Variants in RCAN1 observed in about 807,000 individuals in gnomAD.
RCAN1 encodes the protein calcipressin-1.
A neutral mutation model predicts 22.9 loss-of-function variants in RCAN1; 11 were observed. The observed-to-expected ratio is 0.48, with a 90% CI of 0.30 to 0.79. RCAN1 has a LOEUF of 0.79. Among genes scored for constraint, RCAN1 ranks in the 30% least tolerant of loss-of-function variants. RCAN1 has a pLI of 0.06. For missense variants in RCAN1, 291 were observed against 337.8 expected, an observed-to-expected ratio of 0.86 and a Z score of 1.09; for synonymous variants, 136 against 142.3, an observed-to-expected ratio of 0.96 and a Z score of 0.32.
chr21:34,547,328 C>T lies in RCAN1; in HGVS notation c.253-23618G>A, dbSNP rs556153629. Among the ~76,000 whole-genome samples the T allele has an allele frequency of 3.3e-4, 50 of 152,280 alleles. 2 individuals are homozygous for T. In the South Asian group the frequency reaches 9.5e-3, roughly 29 times the overall value. On this transcript the variant is annotated intron_variant, in intron 1 of 3. Coordinates refer to ENST00000313806, the MANE Select transcript of RCAN1 (RefSeq NM_004414.7). ...CACATCACAGCTTCCCCTCACCTTTCTCCCCCTCCCTCACCTGCTCACTGC... is the reference window on the plus strand; with the variant it reads ...CACATCACAGCTTCCCCTCACCTTTTTCCCCCTCCCTCACCTGCTCACTGC...
At chr21:34,578,635 A>G (rs2268263) in intron 1 of RCAN1, among the ~76,000 whole-genome samples, 105,206 of 152,022 alleles carry the variant, frequency 0.69, 36,485 homozygotes, top group South Asian at 0.79. Flanking sequence ...GGACCTGCCC[A>G]GGGAGGAAGA....
intron 1 of RCAN1, among the ~76,000 whole-genome samples, chr21:34,553,530 C>T (rs1986448177): frequency 6.6e-6 from 1 of 152,126 alleles, no homozygotes; most frequent in Admixed American, 6.5e-5. Flanking sequence ...ATAACCATAT[C>T]CTACTTTTCT....
chr21:34,559,740 T>C (rs141186622), intron 1 of RCAN1: 3 of 152,184 alleles, frequency 2.0e-5, no homozygotes, highest in East Asian at 3.9e-4. Flanking sequence ...CTGGAGAGGA[T>C]ATAGGGAAGG....
At chr21:34,581,862 T>C (rs1212751738) in intron 1 of RCAN1, among the ~76,000 whole-genome samples, 1 of 152,218 alleles carries the variant, frequency 6.6e-6, no homozygotes, top group African/African-American at 2.4e-5. Flanking sequence ...GCAAAGCAAC[T>C]GCCTCTCCAT....
At chr21:34,597,357 T>C (rs1471336867) in intron 1 of RCAN1, among the ~76,000 whole-genome samples, 1 of 152,188 alleles carries the variant, frequency 6.6e-6, no homozygotes, top group Non-Finnish European at 1.5e-5. Flanking sequence ...TGGCCACAAG[T>C]GGCCAGTGGT....
intron 1 of RCAN1, among the ~76,000 whole-genome samples, chr21:34,587,016 A>G (rs1987823810): frequency 6.6e-6 from 1 of 152,138 alleles, no homozygotes; most frequent in African/African-American, 2.4e-5. Context: ...AAACAAAAAA[A>G]CAGAAATTAA....
intron 2 of RCAN1, 76 bp downstream of exon 2, chr21:34,523,460 TA>T: frequency 7.0e-7 from 1 of 1,430,902 alleles, no homozygotes; most frequent in Non-Finnish European, 9.6e-7. Flanking sequence ...GCATATAACA[TA>T]AGCAACGTAT....
At chr21:34,601,527 G>A (rs1988339954) in intron 1 of RCAN1, among the ~76,000 whole-genome samples, 1 of 152,126 alleles carries the variant, frequency 6.6e-6, no homozygotes, top group African/African-American at 2.4e-5. Flanking sequence ...TATAAAGAAG[G>A]TGAATGCTAG....
At chr21:34,519,388 T>C (rs1235052927) in intron 3 of RCAN1, among the ~76,000 whole-genome samples, 1 of 130,078 alleles carries the variant, frequency 7.7e-6, no homozygotes, top group East Asian at 2.1e-4. Flanking sequence ...TCTTTTTCTT[T>C]CTTTCTTTCT....
intron 1 of RCAN1, among the ~76,000 whole-genome samples, chr21:34,552,415 G>A (rs1278667371): frequency 1.3e-5 from 2 of 152,228 alleles, no homozygotes; most frequent in African/African-American, 4.8e-5. Flanking sequence ...TGATTGCTAA[G>A]TGATACTATG....
Position 34,614,085 on chromosome 21 carries a change from T to TG in RCAN1, c.252+674dup, listed in dbSNP as rs1248299201. On this transcript the variant is annotated intron_variant, in intron 1 of 3. Coordinates refer to ENST00000313806, the MANE Select transcript of RCAN1 (RefSeq NM_004414.7). The surrounding 1 kb of genome is among the most constrained non-coding windows in gnomAD (Gnocchi z 6.0). The stretch of plus-strand genomic sequence containing the variant: ...CTAAATTGTGTGGATTTTGCGGGGG[T>TG]GGGGGGAGGCGGGGGAAGGAGTCGA... Among the ~76,000 whole-genome samples the TG allele has an allele frequency of 6.6e-6, 1 of 151,812 alleles. No individual in the cohort carries two copies. Among genetic ancestry groups the TG allele is most frequent in the East Asian group, 1.9e-4 (1 of 5,172 alleles).
chr21:34,578,528 G>A (rs1180670745), intron 1 of RCAN1, among the ~76,000 whole-genome samples: 1 of 152,142 alleles, frequency 6.6e-6, no homozygotes, highest in Admixed American at 6.5e-5. Flanking sequence ...GATTGTCACA[G>A]GGCGGCAGAT....
In RCAN1 at chr21:34,518,192, C is replaced by G. The variant is rs367843758; in HGVS notation, c.651G>C (p.Glu217Asp). The G allele has an allele frequency of 1.9e-6, 3 of 1,614,226 alleles. No homozygotes were observed. The highest frequency in any genetic ancestry group is 2.5e-6 in the Non-Finnish European group (3 of 1,180,050). The change falls in exon 4 of 4, where the codon GAG (glutamate) becomes GAC (aspartate). Residue 217 changes from glutamate to aspartate, a missense_variant. Transcript: ENST00000313806. The surrounding 1 kb of genome is among the most constrained non-coding windows in gnomAD (Gnocchi z 4.2). ...TTPSVVVHVCESDQEKEEEEE... is the reference protein window; with the variant it reads ...TTPSVVVHVCDSDQEKEEEEE... ...CTTCTTCCTCCTTCTCTTGATCACT[C>G]TCACATACATGGACCACCACGCTGG...
At chr21:34,586,680 C>T (rs1163004902) in intron 1 of RCAN1, among the ~76,000 whole-genome samples, 1 of 152,176 alleles carries the variant, frequency 6.6e-6, no homozygotes, top group Non-Finnish European at 1.5e-5. Context: ...AGGACAGGCG[C>T]AGTGGCTCAC....
At chr21:34,537,600 C>A (rs1601150793) in intron 1 of RCAN1, among the ~76,000 whole-genome samples, 2 of 152,334 alleles carry the variant, frequency 1.3e-5, no homozygotes, top group East Asian at 3.9e-4. Flanking sequence ...GCCCCTCCAC[C>A]AATGATGGCT....
At chr21:34,531,920 A>G (rs532073153) in intron 1 of RCAN1, among the ~76,000 whole-genome samples, 5 of 152,150 alleles carry the variant, frequency 3.3e-5, no homozygotes, top group African/African-American at 7.2e-5. Context: ...AAAAAATATT[A>G]TTCAATGATG....
intron 1 of RCAN1, among the ~76,000 whole-genome samples, chr21:34,555,578 A>AAT (rs1986526993): frequency 1.3e-5 from 2 of 150,906 alleles, no homozygotes; most frequent in African/African-American, 4.9e-5. Context: ...TCTCAAAAAA[A>AAT]AAAATAAATA....
At chr21:34,521,058 G>T in intron 3 of RCAN1, 1 of 1,204,608 alleles carries the variant, frequency 8.3e-7, no homozygotes, top group Non-Finnish European at 1.0e-6. Context: ...CCTTTAAGAA[G>T]GCCAGGTGAG....
chr21:34,594,951 C>T (rs907166324), intron 1 of RCAN1, among the ~76,000 whole-genome samples: 2 of 152,210 alleles, frequency 1.3e-5, no homozygotes, highest in African/African-American at 4.8e-5. Flanking sequence ...GGCCTGGGTT[C>T]AAACCTTGCC....
Sources: allele counts gnomAD v4.1 joint callset (sites outside exome capture counted in the v4.1 genomes callset), GRCh38; gene constraint gnomAD v4.1.1; non-coding constraint Gnocchi (gnomAD v3.1); transcripts MANE v1.5; gene names NCBI Gene and HGNC (gene_info 2026-07-23, HGNC 2026-07-21).